The following KCNAB1 variants were observed in gnomAD, a reference collection of about 807,000 sequenced individuals.
KCNAB1 encodes the protein voltage-gated potassium channel subunit beta-1.
In KCNAB1, 35 loss-of-function variants were observed where a neutral mutation model predicts 64.6. That is an observed-to-expected ratio of 0.54 (90% CI 0.41 to 0.72). The LOEUF is 0.72. KCNAB1 is among the 30% of genes least tolerant of loss of function. The pLI, the probability that KCNAB1 is intolerant of heterozygous loss-of-function variation, is 0.00. For synonymous variants in KCNAB1, 177 were observed against 183.8 expected, an observed-to-expected ratio of 0.96 and a Z score of 0.30; for missense variants, 401 against 512.9, an observed-to-expected ratio of 0.78 and a Z score of 2.11.
At chr3:156,518,729 ACT>A (rs1156825008) in intron 11 of KCNAB1, among the ~76,000 whole-genome samples, 1 of 151,780 alleles carries the variant, frequency 6.6e-6, no homozygotes, top group African/African-American at 2.4e-5. Flanking sequence ...AGAAAGTAAC[ACT>A]CTTTTTCTGG....
In KCNAB1 at chr3:156,367,171, C is replaced by CT. The variant is rs9331286; in HGVS notation, c.276-54425dup. 4.5e-3 allele frequency among the ~76,000 whole-genome samples: 537 copies of CT among 118,422 alleles called. 2 individuals are homozygous for CT. Among genetic ancestry groups the CT allele is most frequent in the South Asian group, 5.6e-3 (19 of 3,396 alleles). The allele number at this position is 118,422 out of a possible 152,430, so 77.7% of individuals were successfully genotyped here. On this transcript the variant is annotated intron_variant, in intron 1 of 13. Transcript: ENST00000490337. ...CAAGTGGCATCTCAGAGTAATCTAC[C>CT]TTTTTTTTTTTTTTTTTTTTCTGAG...
chr3:156,296,514 C>A (rs1409711644), intron 1 of KCNAB1, among the ~76,000 whole-genome samples: 1 of 130,988 alleles, frequency 7.6e-6, no homozygotes, highest in South Asian at 2.7e-4. Flanking sequence ...CGCTCTGTAG[C>A]GCAGGCTGGA....
intron 1 of KCNAB1, among the ~76,000 whole-genome samples, chr3:156,124,701 A>G (rs1283711419): frequency 6.6e-6 from 1 of 152,174 alleles, no homozygotes; most frequent in African/African-American, 2.4e-5. Flanking sequence ...AAGAATGCCT[A>G]TCTTATTGCT....
rs553419958 is a variant in KCNAB1, at chr3:156,501,029, C to T, written c.659-13335C>T. Among the ~76,000 whole-genome samples the T allele has an allele frequency of 7.2e-4, 110 of 152,296 alleles. 1 individual carries two copies. Among genetic ancestry groups the T allele is most frequent in the African/African-American group, 2.6e-3 (106 of 41,568 alleles). ...GCAAATGTCCTGAAGTAGGCCTTTC[C>T]GTCTCTACTAGAGGCCGCTGTCATT... is the stretch of plus-strand genomic sequence containing the variant. On this transcript the variant is annotated intron_variant, in intron 8 of 13. Coordinates refer to ENST00000490337, the MANE Select transcript of KCNAB1 (RefSeq NM_172160.3).
intron 1 of KCNAB1, among the ~76,000 whole-genome samples, chr3:156,389,664 G>T (rs568755622): frequency 1.3e-5 from 2 of 152,308 alleles, no homozygotes; most frequent in South Asian, 4.1e-4. Context: ...TAACAGGCCT[G>T]CCAGGTGATT....
intron 1 of KCNAB1, among the ~76,000 whole-genome samples, chr3:156,210,132 G>A (rs191100360): frequency 1.4e-3 from 215 of 152,316 alleles, no homozygotes; most frequent in African/African-American, 4.9e-3. Context: ...AAGAAGCACA[G>A]GCTGAGACTG....
chr3:156,516,224 T>A lies in KCNAB1; in HGVS notation c.866-46T>A, dbSNP rs766609929. The stretch of plus-strand genomic sequence containing the variant: ...ACTGCCCCCACCGCCACCCACCTTT[T>A]GATCCCAATTTGCACAAGCAACTTT... On this transcript the variant is annotated intron_variant, in intron 10 of 13. Coordinates refer to ENST00000490337, the MANE Select transcript of KCNAB1 (RefSeq NM_172160.3). 8 of 1,437,792 alleles carry A rather than the reference T, an allele frequency of 5.6e-6. No individual in the cohort carries two copies. In the South Asian group the frequency reaches 9.1e-5, roughly 16 times the overall value. 89.1% of individuals were successfully genotyped at this position (1,437,792 alleles called of 1,614,324 possible).
chr3:156,427,693 G>A (rs1715909223), intron 2 of KCNAB1, among the ~76,000 whole-genome samples: 1 of 152,154 alleles, frequency 6.6e-6, no homozygotes, highest in African/African-American at 2.4e-5. Context: ...ACAGAATTGT[G>A]GGGTAGGGAG....
chr3:156,227,335 C>T (rs1289910306), intron 1 of KCNAB1, among the ~76,000 whole-genome samples: 1 of 152,118 alleles, frequency 6.6e-6, no homozygotes, highest in Non-Finnish European at 1.5e-5. Context: ...GGACATTGTT[C>T]TCAAAGGTAT....
chr3:156,409,550 A>G (rs891934936), intron 1 of KCNAB1, among the ~76,000 whole-genome samples: 4 of 152,124 alleles, frequency 2.6e-5, no homozygotes, highest in Admixed American at 6.5e-5. Context: ...ATGAGAGGAC[A>G]ATCTTTTCAC....
At chr3:156,200,962 C>G (rs975648213) in intron 1 of KCNAB1, among the ~76,000 whole-genome samples, 1 of 152,174 alleles carries the variant, frequency 6.6e-6, no homozygotes, top group Admixed American at 6.5e-5. Context: ...GTTAGGCACA[C>G]GAGGGAATGT....
At chr3:156,513,356 A>T (rs1020545419) in intron 8 of KCNAB1, among the ~76,000 whole-genome samples, 13 of 150,514 alleles carry the variant, frequency 8.6e-5, no homozygotes, top group South Asian at 2.1e-4. Context: ...ATAATAATAA[A>T]AAAATACATC....
intron 1 of KCNAB1, among the ~76,000 whole-genome samples, chr3:156,233,470 G>C (rs550197923): frequency 3.2e-4 from 48 of 152,150 alleles, no homozygotes; most frequent in Non-Finnish European, 6.3e-4. Context: ...TGGAGGGAGA[G>C]GGCAGGAAGT....
At chr3:156,122,882 G>A (rs1028290707) in intron 1 of KCNAB1, among the ~76,000 whole-genome samples, 2 of 152,050 alleles carry the variant, frequency 1.3e-5, no homozygotes, top group African/African-American at 2.4e-5. Flanking sequence ...TTTTCTCATC[G>A]CCAGCAACTT....
intron 1 of KCNAB1, among the ~76,000 whole-genome samples, chr3:156,214,780 C>T (rs1715216299): frequency 6.6e-6 from 1 of 151,832 alleles, no homozygotes; most frequent in Admixed American, 6.6e-5. Context: ...CTCAAAACTT[C>T]TGATCTAGTC....
chr3:156,242,814 A>C (rs1018387074), intron 1 of KCNAB1, among the ~76,000 whole-genome samples: 2 of 142,922 alleles, frequency 1.4e-5, no homozygotes, highest in Admixed American at 1.4e-4. Context: ...CTGTTTTGAT[A>C]CTGGCTTTTG....
chr3:156,480,221 A>G (rs1407751357), intron 8 of KCNAB1, among the ~76,000 whole-genome samples: 3 of 152,178 alleles, frequency 2.0e-5, no homozygotes, highest in Non-Finnish European at 4.4e-5. Context: ...CATTCGAAAA[A>G]ACATGATATA....
At chr3:156,393,119 C>T (rs2108172525) in intron 1 of KCNAB1, among the ~76,000 whole-genome samples, 1 of 152,262 alleles carries the variant, frequency 6.6e-6, no homozygotes, top group East Asian at 1.9e-4. Context: ...GTTTGGGAAG[C>T]AGCAGATCAC....
intron 1 of KCNAB1, among the ~76,000 whole-genome samples, chr3:156,407,882 G>A (rs1714360003): frequency 6.6e-6 from 1 of 152,200 alleles, no homozygotes; most frequent in Non-Finnish European, 1.5e-5. Flanking sequence ...AATAAGTTCT[G>A]ATAAATTTTG....
Sources: gnomAD v4.1 joint callset for allele counts (sites outside exome capture counted in the v4.1 genomes callset) on GRCh38, gnomAD v4.1.1 for gene constraint, MANE v1.5 for transcripts, NCBI Gene and HGNC (gene_info 2026-07-23, HGNC 2026-07-21) for gene names.